PCDH15: variants seen among roughly 807,000 people sequenced by gnomAD.
PCDH15 encodes the protein protocadherin related 15, also known as protocadherin-15.
Under a neutral mutation model 178.5 loss-of-function variants are expected in PCDH15, and 129 were observed. That is an observed-to-expected ratio of 0.72 (90% CI 0.63 to 0.84). The LOEUF (loss-of-function observed/expected upper bound fraction) is 0.84, where lower values mean the gene tolerates loss of function less well. Ranked by LOEUF, PCDH15 falls within the 40% of genes least tolerant of loss-of-function variation. The pLI is 0.00. For missense variants in PCDH15, 2,230 were observed against 2,099.9 expected, an observed-to-expected ratio of 1.06 and a Z score of -1.21; for synonymous variants, 800 against 732.0, an observed-to-expected ratio of 1.09 and a Z score of -1.50.
chr10:54,537,443 T>A (rs568137267), intron 2 of PCDH15, among the ~76,000 whole-genome samples: 6 of 152,260 alleles, frequency 3.9e-5, no homozygotes, highest in African/African-American at 1.4e-4. Context: ...ATCACCCTGA[T>A]ACCAAAACCT....
At chr10:55,295,937 T>C (rs1843120620) in intron 1 of PCDH15, among the ~76,000 whole-genome samples, 1 of 151,826 alleles carries the variant, frequency 6.6e-6, no homozygotes, top group Non-Finnish European at 1.5e-5. Flanking sequence ...CAGACACTAA[T>C]CACAAGTCCC....
At chr10:54,399,987 G>A in intron 3 of PCDH15, among the ~76,000 whole-genome samples, 1 of 152,056 alleles carries the variant, frequency 6.6e-6, no homozygotes, top group Non-Finnish European at 1.5e-5. Flanking sequence ...TGGAGGAGAT[G>A]AAAATCAGTA....
chr10:55,178,241 A>G (rs1306212753), intron 1 of PCDH15, among the ~76,000 whole-genome samples: 1 of 152,174 alleles, frequency 6.6e-6, no homozygotes, highest in Non-Finnish European at 1.5e-5. Flanking sequence ...CAAGGGAAAT[A>G]CATTGGCAGA....
intron 2 of PCDH15, among the ~76,000 whole-genome samples, chr10:54,643,047 C>T (rs1374698675): frequency 1.3e-5 from 2 of 152,108 alleles, no homozygotes; most frequent in East Asian, 3.9e-4. Context: ...CTCAGCCTCC[C>T]GAGTAGCTGG....
At chr10:55,167,220 T>A (rs1573226) in intron 1 of PCDH15, among the ~76,000 whole-genome samples, 2 of 152,128 alleles carry the variant, frequency 1.3e-5, no homozygotes, top group African/African-American at 4.8e-5. Context: ...CTCAAGCTAT[T>A]CTCCCACCTC....
chr10:54,306,287 G>C (rs1404554214), intron 8 of PCDH15, among the ~76,000 whole-genome samples: 2 of 151,896 alleles, frequency 1.3e-5, no homozygotes, highest in African/African-American at 4.8e-5. Context: ...GTATTGATTG[G>C]TATCTTCCAG....
chr10:54,400,875 T>C (rs1416462897), intron 3 of PCDH15, among the ~76,000 whole-genome samples: 1 of 151,812 alleles, frequency 6.6e-6, no homozygotes, highest in Admixed American at 6.6e-5. Context: ...ATGATTATGT[T>C]TTACATAAAA....
chr10:54,255,294 G>A (rs1305173850), intron 8 of PCDH15, among the ~76,000 whole-genome samples: 1 of 152,146 alleles, frequency 6.6e-6, no homozygotes, highest in African/African-American at 2.4e-5. Context: ...TGGAAGAGAT[G>A]AAGCAGATGC....
chr10:54,025,434 CAT>C (rs2093052669), intron 18 of PCDH15, among the ~76,000 whole-genome samples: 1 of 151,662 alleles, frequency 6.6e-6, no homozygotes, highest in Admixed American at 6.6e-5. Flanking sequence ...TGATGGTTGT[CAT>C]GTGAGGACCA....
At chr10:54,516,104 A>C (rs1485309609) in intron 3 of PCDH15, among the ~76,000 whole-genome samples, 2 of 152,182 alleles carry the variant, frequency 1.3e-5, no homozygotes, top group Non-Finnish European at 2.9e-5. Flanking sequence ...CCTCCTCCAA[A>C]GGAATGCAGT....
chr10:55,061,431 G>A (rs1360537876), intron 2 of PCDH15, among the ~76,000 whole-genome samples: 1 of 152,100 alleles, frequency 6.6e-6, no homozygotes, highest in Non-Finnish European at 1.5e-5. Flanking sequence ...GGAGAAACAA[G>A]AACTCCCTTT....
intron 9 of PCDH15, among the ~76,000 whole-genome samples, chr10:54,229,700 C>T (rs1217555751): frequency 3.9e-5 from 6 of 152,172 alleles, no homozygotes; most frequent in South Asian, 2.1e-4. Flanking sequence ...GTTCACCTTC[C>T]GCCATGATTG....
chr10:54,998,403 A>G (rs1449156481), intron 2 of PCDH15, among the ~76,000 whole-genome samples: 1 of 152,130 alleles, frequency 6.6e-6, no homozygotes, highest in Non-Finnish European at 1.5e-5. Context: ...AATAAAAAAA[A>G]GAAAAATGTA....
intron 2 of PCDH15, among the ~76,000 whole-genome samples, chr10:55,536,883 CT>C (rs1841589913): frequency 6.6e-6 from 1 of 152,034 alleles, no homozygotes; most frequent in Admixed American, 6.6e-5. Flanking sequence ...AGTCCAAATT[CT>C]TTTTTTACAG....
chr10:53,917,252 C>A (rs1228572019), intron 25 of PCDH15, among the ~76,000 whole-genome samples: 1 of 152,018 alleles, frequency 6.6e-6, no homozygotes, highest in Non-Finnish European at 1.5e-5. Flanking sequence ...TGACCTAAGA[C>A]TATTCCACTG....
At chr10:54,585,704 T>G (rs2091413209) in intron 2 of PCDH15, among the ~76,000 whole-genome samples, 1 of 152,122 alleles carries the variant, frequency 6.6e-6, no homozygotes. Context: ...TTGGTACTAT[T>G]AGCTTAACAG....
At chr10:54,596,209 G>C (rs939315571) in intron 2 of PCDH15, among the ~76,000 whole-genome samples, 1 of 152,142 alleles carries the variant, frequency 6.6e-6, no homozygotes, top group Non-Finnish European at 1.5e-5. Context: ...AAAGTAGCTA[G>C]AGAGAAAGGA....
intron 2 of PCDH15, among the ~76,000 whole-genome samples, chr10:55,462,646 G>A (rs1839704662): frequency 6.6e-6 from 1 of 151,992 alleles, no homozygotes; most frequent in Non-Finnish European, 1.5e-5. Flanking sequence ...TATATATTGT[G>A]CCTATTTAGT....
intron 23 of PCDH15, among the ~76,000 whole-genome samples, chr10:53,958,623 C>T (rs2087878248): frequency 6.6e-6 from 1 of 152,060 alleles, no homozygotes; most frequent in Non-Finnish European, 1.5e-5. Flanking sequence ...AGACCCTGAA[C>T]CTGACCATGC....
Sources: allele counts gnomAD v4.1 joint callset (sites outside exome capture counted in the v4.1 genomes callset), GRCh38; gene constraint gnomAD v4.1.1; transcripts MANE v1.5; gene names NCBI Gene and HGNC (gene_info 2026-07-23, HGNC 2026-07-21).